The following DKK2 variants were observed in gnomAD, a reference collection of about 807,000 sequenced individuals.
DKK2 encodes the protein dickkopf-related protein 2.
In DKK2, 11 loss-of-function variants were observed where a neutral mutation model predicts 28.1. The observed-to-expected ratio is 0.39, with a 90% confidence interval of 0.25 to 0.65. DKK2 has a LOEUF of 0.65. DKK2 is among the 30% of genes least tolerant of loss of function. DKK2 has a pLI of 0.47. For synonymous variants in DKK2, 135 were observed against 126.5 expected (o/e 1.07, Z -0.45); for missense variants, 326 against 335.5 (o/e 0.97, Z 0.22).
chr4:106,938,616 C>A (rs1352785978), intron 1 of DKK2, among the ~76,000 whole-genome samples: 1 of 152,118 alleles, frequency 6.6e-6, no homozygotes, highest in African/African-American at 2.4e-5. Flanking sequence ...TTTTATGAGG[C>A]CAGCATCATT....
At chr4:106,929,031 AT>A (rs1724463898) in intron 1 of DKK2, among the ~76,000 whole-genome samples, 1 of 152,176 alleles carries the variant, frequency 6.6e-6, no homozygotes, top group South Asian at 2.1e-4. Flanking sequence ...TTAAAGTGCC[AT>A]TCAGAAACTC....
chr4:107,003,874 A>G (rs2110366195), intron 1 of DKK2, among the ~76,000 whole-genome samples: 1 of 152,316 alleles, frequency 6.6e-6, no homozygotes, highest in South Asian at 2.1e-4. Flanking sequence ...CACTTTTGAG[A>G]AGCAGAGCTC....
intron 1 of DKK2, among the ~76,000 whole-genome samples, chr4:107,002,244 A>G (rs984544283): frequency 6.6e-6 from 1 of 152,240 alleles, no homozygotes; most frequent in Non-Finnish European, 1.5e-5. Flanking sequence ...AGTGCATGAT[A>G]GGCAAACAAA....
At chr4:106,977,674 G>T (rs1326300311) in intron 1 of DKK2, among the ~76,000 whole-genome samples, 1 of 152,054 alleles carries the variant, frequency 6.6e-6, no homozygotes, top group Non-Finnish European at 1.5e-5. Context: ...CTTGCATTGG[G>T]TTAGAACATG....
chr4:107,014,902 T>G (rs1196180197), intron 1 of DKK2, among the ~76,000 whole-genome samples: 2 of 151,564 alleles, frequency 1.3e-5, no homozygotes, highest in Non-Finnish European at 3.0e-5. Flanking sequence ...TATTCCTAAC[T>G]GTAGATTATT....
At chr4:106,979,077 G>GTT (rs374755061) in intron 1 of DKK2, among the ~76,000 whole-genome samples, 26,753 of 149,034 alleles carry the variant, frequency 0.18, 2,698 homozygotes, top group East Asian at 0.42. Context: ...TTTTGTTTTT[G>GTT]TTTTTTTTTC....
intron 1 of DKK2, among the ~76,000 whole-genome samples, chr4:106,953,478 T>A (rs1722528206): frequency 6.6e-6 from 1 of 151,688 alleles, no homozygotes; most frequent in Admixed American, 6.6e-5. Context: ...AGATATGGGG[T>A]GGGGAGGGGA....
At position 107,007,439 on chromosome 4, in the gene DKK2, G is replaced by A. The variant is rs114162083; in HGVS notation, c.222+27931C>T. On this transcript the variant is annotated intron_variant, in intron 1 of 3. Transcript: ENST00000285311. ...TCTTGAAAATAATCAGAGTGACTCC[G>A]TTTATCCATAGATTTGAAATGTCAT... Among the ~76,000 whole-genome samples the A allele has an allele frequency of 1.9e-3, 292 of 152,090 alleles. 1 individual carries two copies. The highest frequency in any genetic ancestry group is 6.6e-3 in the African/African-American group (272 of 41,514).
chr4:106,944,150 T>G (rs1724743270), intron 1 of DKK2, among the ~76,000 whole-genome samples: 1 of 152,094 alleles, frequency 6.6e-6, no homozygotes, highest in African/African-American at 2.4e-5. Context: ...GATCAGTTTC[T>G]TGATACACTT....
At chr4:106,964,653 G>A (rs1432502299) in intron 1 of DKK2, among the ~76,000 whole-genome samples, 4 of 152,048 alleles carry the variant, frequency 2.6e-5, no homozygotes. Flanking sequence ...ATTTTGCTGT[G>A]AAGGTAATTT....
At chr4:106,968,215 A>C (rs1265240447) in intron 1 of DKK2, among the ~76,000 whole-genome samples, 3 of 152,200 alleles carry the variant, frequency 2.0e-5, no homozygotes, top group East Asian at 3.9e-4. Flanking sequence ...GGGAGAAGGA[A>C]GGAAACATCA....
intron 1 of DKK2, among the ~76,000 whole-genome samples, chr4:107,017,755 C>T (rs918682579): frequency 1.3e-5 from 2 of 150,362 alleles, no homozygotes; most frequent in African/African-American, 2.5e-5. Flanking sequence ...TTCTTTATTG[C>T]CTATATTTTT....
chr4:107,035,693 G>C lies in DKK2; in HGVS notation c.-102C>G, dbSNP rs572213165. ...GGGGCCCCTCACTTGGGTCGCGGGG[G>C]CTTGCAGATTGTGTTCCCTCAACCC... On this transcript the variant is annotated 5_prime_UTR_variant, in exon 1 of 4. Coordinates refer to ENST00000285311, the MANE Select transcript of DKK2 (RefSeq NM_014421.3). 2 of 1,231,098 alleles carry C rather than the reference G, an allele frequency of 1.6e-6. No individual in the cohort carries two copies. Among genetic ancestry groups the C allele is most frequent in the Non-Finnish European group, 2.3e-6 (2 of 869,048 alleles). The allele number at this position is 1,231,098 out of a possible 1,614,324, so 76.3% of individuals were successfully genotyped here.
At chr4:106,974,863 T>C (rs1361858966) in intron 1 of DKK2, among the ~76,000 whole-genome samples, 1 of 152,204 alleles carries the variant, frequency 6.6e-6, no homozygotes, top group East Asian at 1.9e-4. Context: ...ATTCAATATG[T>C]TATTGGCTGT....
intron 1 of DKK2, among the ~76,000 whole-genome samples, chr4:107,020,712 C>T (rs1298483605): frequency 6.6e-6 from 1 of 152,008 alleles, no homozygotes; most frequent in Non-Finnish European, 1.5e-5. Flanking sequence ...TTTTCACTTA[C>T]ATGTGGAATC....
At chr4:106,927,838 A>C (rs985921854) in intron 1 of DKK2, among the ~76,000 whole-genome samples, 2 of 152,226 alleles carry the variant, frequency 1.3e-5, no homozygotes, top group Admixed American at 1.3e-4. Flanking sequence ...ATTTGAAGTT[A>C]CAAGTTTCTT....
chr4:106,949,784 T>C (rs1397659408), intron 1 of DKK2, among the ~76,000 whole-genome samples: 2 of 152,218 alleles, frequency 1.3e-5, no homozygotes, highest in African/African-American at 4.8e-5. Context: ...TTCATTAATC[T>C]ATTTTTCTTT....
chr4:107,014,242 T>C (rs1175458671), intron 1 of DKK2, among the ~76,000 whole-genome samples: 2 of 151,372 alleles, frequency 1.3e-5, no homozygotes, highest in Non-Finnish European at 3.0e-5. Flanking sequence ...AACCTAAAAG[T>C]CCATCAACAG....
chr4:107,005,988 CA>C (rs1723432375), intron 1 of DKK2, among the ~76,000 whole-genome samples: 1 of 152,036 alleles, frequency 6.6e-6, no homozygotes, highest in African/African-American at 2.4e-5. Flanking sequence ...CTTATCTCTA[CA>C]AAAATGAGTA....
Sources: allele counts gnomAD v4.1 joint callset (sites outside exome capture counted in the v4.1 genomes callset), GRCh38; gene constraint gnomAD v4.1.1; transcripts MANE v1.5; gene names NCBI Gene and HGNC (gene_info 2026-07-23, HGNC 2026-07-21).